GPR137B: variants seen among roughly 807,000 people sequenced by gnomAD.
The protein encoded by GPR137B is integral membrane protein GPR137B.
In GPR137B, 42 loss-of-function variants were observed where a neutral mutation model predicts 42.5. The observed-to-expected ratio is 0.99, with a 90% CI of 0.77 to 1.28. GPR137B has a LOEUF of 1.28. GPR137B is among the 50% of genes most tolerant of loss of function. The pLI is 0.00. For synonymous variants in GPR137B, 218 were observed against 209.7 expected, an observed-to-expected ratio of 1.04 and a Z score of -0.34; for missense variants, 487 against 493.9, an observed-to-expected ratio of 0.99 and a Z score of 0.13.
intron 5 of GPR137B, among the ~76,000 whole-genome samples, chr1:236,201,539 C>T (rs1663491509): frequency 6.6e-6 from 1 of 151,910 alleles, no homozygotes; most frequent in Non-Finnish European, 1.5e-5. Context: ...CCTTTCTTTT[C>T]TACTTGATTC....
chr1:236,165,240 T>C (rs776143725), intron 1 of GPR137B, among the ~76,000 whole-genome samples: 28 of 152,104 alleles, frequency 1.8e-4, no homozygotes, highest in Non-Finnish European at 3.2e-4. Flanking sequence ...TTATAAGAAG[T>C]GGATAGAGCT....
rs60173796 is a variant in GPR137B, at chr1:236,150,962, C to T, written c.414+7926C>T. Among the ~76,000 whole-genome samples the T allele has an allele frequency of 0.01, 1,593 of 152,202 alleles. 31 individuals are homozygous for T. Among genetic ancestry groups the T allele is most frequent in the African/African-American group, 0.035 (1,474 of 41,530 alleles). ...GGTCATGACAGTGAGGGGTGGGCTGCCCAGAGAGGAACATTTGCAAGATCC... is the reference window on the plus strand; with the variant it reads ...GGTCATGACAGTGAGGGGTGGGCTGTCCAGAGAGGAACATTTGCAAGATCC... On this transcript the variant is annotated intron_variant, in intron 1 of 6. Transcript: ENST00000366592. The surrounding 1 kb of genome is among the most constrained non-coding windows in gnomAD (Gnocchi z 6.2).
rs777039907 is a variant in GPR137B, at chr1:236,208,040, T to C, written c.1092-10T>C. ...GTTTCAAGTCACTGAAATATTTTTT[T>C]CTTTTTAAGTTTTGCTCCAGATTAC... On this transcript the variant is annotated splice_polypyrimidine_tract_variant and intron_variant, in intron 6 of 6. Coordinates refer to ENST00000366592, the MANE Select transcript of GPR137B (RefSeq NM_003272.4). 9 of 1,596,852 alleles carry C rather than the reference T, an allele frequency of 5.6e-6. No individual in the cohort carries two copies. The East Asian group carries it at 1.1e-4, about 20-fold the overall frequency.
chr1:236,148,495 G>A (rs994014733), intron 1 of GPR137B, among the ~76,000 whole-genome samples: 18 of 152,352 alleles, frequency 1.2e-4, no homozygotes, highest in African/African-American at 3.4e-4. Flanking sequence ...CATGGTTTGC[G>A]GAAGGAAATG....
At chr1:236,177,886 G>GCTCT (rs1662733366) in intron 2 of GPR137B, among the ~76,000 whole-genome samples, 1 of 151,802 alleles carries the variant, frequency 6.6e-6, no homozygotes, top group South Asian at 2.1e-4. Flanking sequence ...ATAAGTGAGC[G>GCTCT]CTCTCTGGAC....
In GPR137B at chr1:236,145,911, G is replaced by A. The variant is rs147973347; in HGVS notation, c.414+2875G>A. On this transcript the variant is annotated intron_variant, in intron 1 of 6. Transcript: ENST00000366592. ...ATTTTATTTTTTGAGATAGAGCCTTGCTTTGTGGTGATCTGGGTTCACTGC... is the reference window on the plus strand; with the variant it reads ...ATTTTATTTTTTGAGATAGAGCCTTACTTTGTGGTGATCTGGGTTCACTGC... Among the ~76,000 whole-genome samples the A allele has an allele frequency of 4.2e-3, 641 of 152,268 alleles. 4 individuals carry two copies. Among genetic ancestry groups the A allele is most frequent in the Non-Finnish European group, 5.8e-3 (392 of 68,018 alleles).
Position 236,208,048 on chromosome 1 carries a change from A to C in GPR137B, c.1092-2A>C. The C allele has an allele frequency of 6.2e-7, 1 of 1,606,892 alleles. No homozygotes were observed. The highest frequency in any genetic ancestry group is 8.5e-7 in the Non-Finnish European group (1 of 1,174,274). On this transcript the variant is annotated splice_acceptor_variant, in intron 6 of 6. Coordinates refer to ENST00000366592, the MANE Select transcript of GPR137B (RefSeq NM_003272.4). LOFTEE classifies it high-confidence loss of function. Reference sequence around the variant, plus strand: ...TCACTGAAATATTTTTTTCTTTTTAAGTTTTGCTCCAGATTACTATGATTG... The same window carrying C: ...TCACTGAAATATTTTTTTCTTTTTACGTTTTGCTCCAGATTACTATGATTG...
At chr1:236,184,459 G>C (rs1428706592) in intron 5 of GPR137B, among the ~76,000 whole-genome samples, 1 of 152,200 alleles carries the variant, frequency 6.6e-6, no homozygotes, top group Non-Finnish European at 1.5e-5. Flanking sequence ...GCAAAACCAA[G>C]TAGCGTGAGA....
chr1:236,142,738 C>A lies in GPR137B; in HGVS notation c.116C>A (p.Pro39His), dbSNP rs199613305. ...CCCACGCTGACCCCGGCCGTGCCCC[C>A]CTACGTGAAGCTTGGCCTCACCGTC... ...LPPTLTPAVPPYVKLGLTVVY... is the reference protein window; with the variant it reads ...LPPTLTPAVPHYVKLGLTVVY... The change falls in exon 1 of 7, where the codon CCC becomes CAC. Residue 39 changes from proline to histidine, a missense_variant. Coordinates refer to ENST00000366592, the MANE Select transcript of GPR137B (RefSeq NM_003272.4). 1.3e-5 allele frequency: 21 copies of A among 1,608,094 alleles called. No individual in the cohort carries two copies. The highest frequency in any genetic ancestry group is 3.3e-5 in the South Asian group (3 of 90,918).
chr1:236,196,156 T>C (rs1400583320), intron 5 of GPR137B, among the ~76,000 whole-genome samples: 1 of 152,198 alleles, frequency 6.6e-6, no homozygotes, highest in Non-Finnish European at 1.5e-5. Flanking sequence ...TTATTTATTT[T>C]TGAGATGGAG....
At chr1:236,186,269 T>TAATAATATAAATAATATATAA (rs1329731810) in intron 5 of GPR137B, among the ~76,000 whole-genome samples, 1 of 69,980 alleles carries the variant, frequency 1.4e-5, no homozygotes. Flanking sequence ...ATATTATATA[T>TAATAATATAAATAATATATAA]TATATATAAT....
intron 2 of GPR137B, among the ~76,000 whole-genome samples, chr1:236,170,891 G>A (rs190554822): frequency 1.3e-5 from 2 of 151,238 alleles, no homozygotes; most frequent in East Asian, 2.0e-4. Context: ...TGGGAGAATC[G>A]CTTAAGCCTA....
At chr1:236,183,641 C>A (rs150846994) in intron 4 of GPR137B, 137 bp from the exon 5 acceptor site, 3 of 566,580 alleles carry the variant, frequency 5.3e-6, no homozygotes, top group Non-Finnish European at 9.2e-6. Flanking sequence ...ATAGTATATT[C>A]GGTAGTACAT....
At chr1:236,161,004 G>A (rs901810283) in intron 1 of GPR137B, among the ~76,000 whole-genome samples, 8 of 151,630 alleles carry the variant, frequency 5.3e-5, no homozygotes, top group African/African-American at 1.5e-4. Flanking sequence ...TCAGAGTTGC[G>A]CAGTGACCCC....
At chr1:236,162,740 A>G (rs1662235794) in intron 1 of GPR137B, among the ~76,000 whole-genome samples, 1 of 152,206 alleles carries the variant, frequency 6.6e-6, no homozygotes, top group East Asian at 1.9e-4. Flanking sequence ...CACAGAAGTC[A>G]AGGTCTGAGG....
At chr1:236,191,202 A>C (rs1663182545) in intron 5 of GPR137B, among the ~76,000 whole-genome samples, 1 of 152,098 alleles carries the variant, frequency 6.6e-6, no homozygotes, top group Non-Finnish European at 1.5e-5. Context: ...GGTCATTTAT[A>C]TTCTCCTCTA....
intron 2 of GPR137B, among the ~76,000 whole-genome samples, chr1:236,178,121 C>A (rs1265681713): frequency 6.6e-6 from 1 of 152,188 alleles, no homozygotes; most frequent in African/African-American, 2.4e-5. Context: ...CCACTCTTCG[C>A]TGTGAGTAGG....
intron 4 of GPR137B, among the ~76,000 whole-genome samples, chr1:236,181,727 AAC>A: frequency 6.6e-6 from 1 of 152,276 alleles, no homozygotes; most frequent in Non-Finnish European, 1.5e-5. Flanking sequence ...CAACACCACA[AAC>A]ACAGGATGGC....
intron 2 of GPR137B, among the ~76,000 whole-genome samples, chr1:236,176,340 G>C (rs1182169402): frequency 2.0e-5 from 3 of 152,110 alleles, no homozygotes; most frequent in African/African-American, 7.2e-5. Context: ...GGGGTGGGGG[G>C]CACTGTTCCC....
Sources: gnomAD v4.1 joint callset for allele counts (sites outside exome capture counted in the v4.1 genomes callset) on GRCh38, gnomAD v4.1.1 for gene constraint, Gnocchi (gnomAD v3.1) non-coding constraint, MANE v1.5 for transcripts, NCBI Gene and HGNC (gene_info 2026-07-23, HGNC 2026-07-21) for gene names.